The following GALNTL6 variants were observed in gnomAD, a reference collection of about 807,000 sequenced individuals.
GALNTL6 encodes polypeptide N-acetylgalactosaminyltransferase like 6.
In GALNTL6, 46 loss-of-function variants were observed where a neutral mutation model predicts 73.7. The ratio of observed to expected loss-of-function variants is 0.62; its 90% CI spans 0.49 to 0.80. The LOEUF (loss-of-function observed/expected upper bound fraction) is 0.80, where lower values mean the gene tolerates loss of function less well. Among genes scored for constraint, GALNTL6 ranks in the 30% least tolerant of loss-of-function variants. The pLI, the probability that GALNTL6 is intolerant of heterozygous loss-of-function variation, is 0.00. For synonymous variants in GALNTL6, 259 were observed against 263.7 expected, an observed-to-expected ratio of 0.98 and a Z score of 0.17; for missense variants, 604 against 755.0, an observed-to-expected ratio of 0.80 and a Z score of 2.34.
intron 10 of GALNTL6, among the ~76,000 whole-genome samples, chr4:172,991,393 G>GT (rs568262994): frequency 0.017 from 2,480 of 150,000 alleles, 45 homozygotes; most frequent in African/African-American, 0.047. Flanking sequence ...CCCAGTTTTT[G>GT]TTTTTTTTTG....
chr4:172,513,902 A>T (rs1174561781), intron 5 of GALNTL6, among the ~76,000 whole-genome samples: 1 of 152,170 alleles, frequency 6.6e-6, no homozygotes, highest in East Asian at 1.9e-4. Flanking sequence ...TGCTGGCAGT[A>T]AAGTTGTCAT....
intron 2 of GALNTL6, among the ~76,000 whole-genome samples, chr4:171,978,570 G>C (rs1246142139): frequency 6.6e-6 from 1 of 152,164 alleles, no homozygotes; most frequent in Non-Finnish European, 1.5e-5. Flanking sequence ...AGTTTCTTGA[G>C]CAGTGAGTTG....
At chr4:172,950,511 T>A (rs1052732187) in intron 9 of GALNTL6, among the ~76,000 whole-genome samples, 4 of 151,638 alleles carry the variant, frequency 2.6e-5, no homozygotes, top group Non-Finnish European at 5.9e-5. Flanking sequence ...ACCCAAGGAG[T>A]GCACAGAGAA....
At chr4:172,743,775 A>T (rs1405580895) in intron 5 of GALNTL6, among the ~76,000 whole-genome samples, 1 of 152,128 alleles carries the variant, frequency 6.6e-6, no homozygotes, top group African/African-American at 2.4e-5. Context: ...ACTTATATTT[A>T]AAAAGTATTT....
intron 8 of GALNTL6, among the ~76,000 whole-genome samples, chr4:172,899,181 G>T (rs1441257159): frequency 6.6e-6 from 1 of 152,164 alleles, no homozygotes; most frequent in Non-Finnish European, 1.5e-5. Flanking sequence ...GTGTCTGAGG[G>T]GTTCTTGTCT....
intron 4 of GALNTL6, among the ~76,000 whole-genome samples, chr4:172,323,448 T>C (rs1379488894): frequency 2.0e-5 from 3 of 152,160 alleles, no homozygotes; most frequent in African/African-American, 7.2e-5. Context: ...AAATGACTTA[T>C]ACATATATGC....
intron 2 of GALNTL6, among the ~76,000 whole-genome samples, chr4:172,034,537 T>C (rs1741877887): frequency 6.6e-6 from 1 of 151,920 alleles, no homozygotes; most frequent in Non-Finnish European, 1.5e-5. Context: ...TGAATTTTCT[T>C]TGGCAAGTCA....
chr4:172,580,399 C>T (rs1296338494), intron 5 of GALNTL6, among the ~76,000 whole-genome samples: 2 of 152,042 alleles, frequency 1.3e-5, no homozygotes, highest in Non-Finnish European at 2.9e-5. Flanking sequence ...TTTAAAAAAT[C>T]AACAAATTGA....
intron 2 of GALNTL6, among the ~76,000 whole-genome samples, chr4:171,842,164 T>C (rs1013059472): frequency 6.6e-6 from 1 of 152,172 alleles, no homozygotes; most frequent in African/African-American, 2.4e-5. Context: ...ATATCTTACT[T>C]ACATTTGTTA....
chr4:172,784,749 T>C (rs1304722345), intron 5 of GALNTL6, among the ~76,000 whole-genome samples: 9 of 152,196 alleles, frequency 5.9e-5, no homozygotes, highest in African/African-American at 2.2e-4. Context: ...AGTATGCTTA[T>C]AATGTACTGA....
chr4:171,958,414 G>A (rs1013687770), intron 2 of GALNTL6, among the ~76,000 whole-genome samples: 19 of 152,114 alleles, frequency 1.2e-4, no homozygotes, highest in Admixed American at 1.1e-3. Flanking sequence ...TGCATTGAAG[G>A]AAAATGTTTA....
chr4:173,025,670 T>C (rs980605778), intron 12 of GALNTL6, among the ~76,000 whole-genome samples: 7 of 152,204 alleles, frequency 4.6e-5, no homozygotes, highest in Non-Finnish European at 8.8e-5. Context: ...TGGTTTCTCA[T>C]TGAGTAGAAG....
intron 5 of GALNTL6, among the ~76,000 whole-genome samples, chr4:172,657,946 C>T (rs534516028): frequency 1.3e-5 from 2 of 150,180 alleles, no homozygotes; most frequent in Admixed American, 6.6e-5. Flanking sequence ...GTCAGGAGAT[C>T]GAGACCATCC....
intron 8 of GALNTL6, among the ~76,000 whole-genome samples, chr4:172,887,974 T>A (rs1745823297): frequency 6.6e-6 from 1 of 152,264 alleles, no homozygotes; most frequent in Admixed American, 6.5e-5. Context: ...TGTATCAATA[T>A]GTTTCTTGGC....
chr4:172,743,490 A>G (rs1736916075), intron 5 of GALNTL6, among the ~76,000 whole-genome samples: 1 of 152,106 alleles, frequency 6.6e-6, no homozygotes, highest in Non-Finnish European at 1.5e-5. Flanking sequence ...GACATACTGC[A>G]GATCGTTGGA....
chr4:172,784,304 CACA>C (rs1338246163), intron 5 of GALNTL6, among the ~76,000 whole-genome samples: 4 of 151,924 alleles, frequency 2.6e-5, no homozygotes, highest in African/African-American at 7.2e-5. Flanking sequence ...TATAAGAAAG[CACA>C]ACATTATTTT....
intron 5 of GALNTL6, among the ~76,000 whole-genome samples, chr4:172,450,607 T>G (rs995697189): frequency 6.6e-6 from 1 of 152,252 alleles, no homozygotes; most frequent in Non-Finnish European, 1.5e-5. Context: ...TGTAATCAGA[T>G]GAAATGATTG....
intron 10 of GALNTL6, among the ~76,000 whole-genome samples, chr4:172,999,428 C>T (rs1751945923): frequency 1.3e-5 from 2 of 152,064 alleles, no homozygotes; most frequent in Non-Finnish European, 2.9e-5. Context: ...AAAATTGTAT[C>T]CACTGACAAA....
At chr4:172,272,477 C>G (rs552583226) in intron 3 of GALNTL6, among the ~76,000 whole-genome samples, 2 of 152,248 alleles carry the variant, frequency 1.3e-5, no homozygotes, top group African/African-American at 4.8e-5. Flanking sequence ...AGTTACTGTA[C>G]TGAATACTGT....
Sources: allele counts gnomAD v4.1 joint callset (sites outside exome capture counted in the v4.1 genomes callset), GRCh38; gene constraint gnomAD v4.1.1; transcripts MANE v1.5; gene names NCBI Gene and HGNC (gene_info 2026-07-23, HGNC 2026-07-21).